PLCB1: variants seen among roughly 807,000 people sequenced by gnomAD.
The protein encoded by PLCB1 is phospholipase C beta 1.
PLCB1 carries 46 observed loss-of-function variants against 161.8 expected under a neutral mutation model. That is an observed-to-expected ratio of 0.28 (90% CI 0.22 to 0.36). PLCB1 has a LOEUF of 0.36. PLCB1 is among the 10% of genes least tolerant of loss of function. PLCB1 has a pLI of 1.00. For synonymous variants in PLCB1, 517 were observed against 503.7 expected (o/e 1.03, Z -0.35); for missense variants, 1,016 against 1,472.5 (o/e 0.69, Z 5.07).
intron 2 of PLCB1, among the ~76,000 whole-genome samples, chr20:8,326,288 T>G (rs1985150135): frequency 6.6e-6 from 1 of 152,190 alleles, no homozygotes; most frequent in Admixed American, 6.5e-5. Context: ...AATTAAACTA[T>G]GTGGTTTAAT....
chr20:8,349,624 T>G (rs1340333207), intron 2 of PLCB1, among the ~76,000 whole-genome samples: 2 of 152,224 alleles, frequency 1.3e-5, no homozygotes, highest in African/African-American at 2.4e-5. Context: ...TTTTGTTTTG[T>G]TTTGGTTTTT....
At chr20:8,144,939 TG>T (rs2051439170) in intron 1 of PLCB1, among the ~76,000 whole-genome samples, 1 of 152,174 alleles carries the variant, frequency 6.6e-6, no homozygotes, top group Non-Finnish European at 1.5e-5. Flanking sequence ...GTGAGAATTG[TG>T]GTCAACCTTG....
chr20:8,714,362 C>T (rs1260769861), intron 12 of PLCB1, among the ~76,000 whole-genome samples: 2 of 152,112 alleles, frequency 1.3e-5, no homozygotes, highest in African/African-American at 2.4e-5. Flanking sequence ...TGGAACATGT[C>T]GTCCCAGCAC....
intron 26 of PLCB1, among the ~76,000 whole-genome samples, chr20:8,773,591 G>A (rs912310112): frequency 6.6e-6 from 1 of 152,218 alleles, no homozygotes; most frequent in Non-Finnish European, 1.5e-5. Context: ...TAAGCTTTGT[G>A]TGGAAAGTGC....
chr20:8,539,338 G>A (rs1203278232), intron 3 of PLCB1, among the ~76,000 whole-genome samples: 10 of 152,044 alleles, frequency 6.6e-5, no homozygotes, highest in Admixed American at 6.6e-4. Context: ...ATTTGTCTCT[G>A]GTTTTGACAC....
intron 3 of PLCB1, among the ~76,000 whole-genome samples, chr20:8,376,007 G>T (rs927773934): frequency 1.0e-4 from 15 of 149,796 alleles, no homozygotes; most frequent in African/African-American, 3.7e-4. Flanking sequence ...CAACAAAAAG[G>T]ATTAAAGACT....
Position 8,649,677 on chromosome 20 carries a change from C to T in PLCB1, c.594+228C>T, listed in dbSNP as rs4816071. The T allele has an allele frequency of 0.25, 132,472 of 531,186 alleles. 19,236 individuals carry two copies. The highest frequency in any genetic ancestry group is 0.48 in the African/African-American group (25,354 of 52,856). The allele number at this position is 531,186 out of a possible 1,614,324, so 32.9% of individuals were successfully genotyped here. A position where few individuals can be genotyped will look rare whatever the true frequency, so the allele number is the denominator to read the frequency against. ...CTAGCATGTTCTTCCCCCTCACCAT[C>T]TGATTCCCTGTGCCACCTCTGCCAA... On this transcript the variant is annotated intron_variant, in intron 7 of 31. Transcript: ENST00000338037.
chr20:8,177,160 T>A (rs1198487843), intron 2 of PLCB1, among the ~76,000 whole-genome samples: 1 of 152,120 alleles, frequency 6.6e-6, no homozygotes, highest in Non-Finnish European at 1.5e-5. Flanking sequence ...AGTGATAGTA[T>A]TAAAAGGTGA....
chr20:8,701,588 T>G (rs1190027408), intron 11 of PLCB1, among the ~76,000 whole-genome samples: 2 of 152,198 alleles, frequency 1.3e-5, no homozygotes, highest in Non-Finnish European at 2.9e-5. Context: ...ATCTGCCTAA[T>G]TTGCTTAATT....
chr20:8,329,068 A>G (rs2745775), intron 2 of PLCB1, among the ~76,000 whole-genome samples: 17,914 of 152,192 alleles, frequency 0.12, 2,217 homozygotes, highest in African/African-American at 0.32. Context: ...GGTTAGTTTG[A>G]GGAGGTCTTA....
chr20:8,857,262 G>T (rs6133632), intron 31 of PLCB1, among the ~76,000 whole-genome samples: 39,036 of 152,130 alleles, frequency 0.26, 6,702 homozygotes, highest in East Asian at 0.65. Flanking sequence ...AGTCACAAAA[G>T]AGGAGTGAAG....
intron 2 of PLCB1, among the ~76,000 whole-genome samples, chr20:8,248,954 G>T (rs1052978782): frequency 6.6e-6 from 1 of 151,896 alleles, no homozygotes; most frequent in Admixed American, 6.6e-5. Flanking sequence ...TTCTAAAGAG[G>T]TATGGTCTTT....
In PLCB1 at chr20:8,724,173, T is replaced by TTA. The variant is rs1555786029; in HGVS notation, c.1582-478_1582-477dup. Among the ~76,000 whole-genome samples the TTA allele has an allele frequency of 3.2e-3, 73 of 22,690 alleles. No homozygotes were observed. The East Asian group carries it at 0.033, about 10-fold the overall frequency. 14.9% of individuals were successfully genotyped at this position (22,690 alleles called of 152,430 possible). ...ACAAACCCCAGTGACATAAGTTTAT[T>TTA]TATATAAAAAAAAAAACCTGCACGT... On this transcript the variant is annotated intron_variant, in intron 15 of 31. Coordinates refer to ENST00000338037, the MANE Select transcript of PLCB1 (RefSeq NM_015192.4).
At chr20:8,278,683 T>G (rs1341492146) in intron 2 of PLCB1, among the ~76,000 whole-genome samples, 1 of 152,082 alleles carries the variant, frequency 6.6e-6, no homozygotes, top group Non-Finnish European at 1.5e-5. Flanking sequence ...TAAATTTTCT[T>G]ACAATAGCAA....
chr20:8,338,632 C>T (rs968527603), intron 2 of PLCB1, among the ~76,000 whole-genome samples: 4 of 152,258 alleles, frequency 2.6e-5, no homozygotes, highest in Admixed American at 6.5e-5. Context: ...TGTATATTAA[C>T]GGTTCTTCTT....
At chr20:8,676,434 G>GAAAGAAAGAA (rs1555782393) in intron 9 of PLCB1, among the ~76,000 whole-genome samples, 5 of 151,462 alleles carry the variant, frequency 3.3e-5, no homozygotes, top group Admixed American at 6.6e-5. Flanking sequence ...AAGAAAGAAA[G>GAAAGAAAGAA]AGAGAAAGAG....
At chr20:8,818,945 A>G (rs1001707894) in intron 31 of PLCB1, among the ~76,000 whole-genome samples, 4 of 140,936 alleles carry the variant, frequency 2.8e-5, no homozygotes, top group African/African-American at 1.3e-4. Context: ...TCAGTCTCAA[A>G]AAAAAAAAAA....
intron 3 of PLCB1, among the ~76,000 whole-genome samples, chr20:8,385,864 C>T (rs992004892): frequency 6.6e-6 from 1 of 152,234 alleles, no homozygotes; most frequent in African/African-American, 2.4e-5. Flanking sequence ...GATGAGAGAA[C>T]CTGGATATCT....
rs145915737 is a variant in PLCB1 at position 8,344,645 on chromosome 20, A to G, written c.178-26737A>G. Among the ~76,000 whole-genome samples, 1,202 of 152,260 alleles carry G rather than the reference A, an allele frequency of 7.9e-3. 17 individuals are homozygous for G. The highest frequency in any genetic ancestry group is 0.013 in the Non-Finnish European group (861 of 68,024). ...CTGAAAAAGTCACGTCCCCTGTAGT[A>G]TATCTGCTCCCGGTGCTCACCCCAA... On this transcript the variant is annotated intron_variant, in intron 2 of 31. Coordinates refer to ENST00000338037, the MANE Select transcript of PLCB1 (RefSeq NM_015192.4).
Sources: gnomAD v4.1 joint callset for allele counts (sites outside exome capture counted in the v4.1 genomes callset) on GRCh38, gnomAD v4.1.1 for gene constraint, MANE v1.5 for transcripts, NCBI Gene and HGNC (gene_info 2026-07-23, HGNC 2026-07-21) for gene names.